Variants in CELF5 observed in about 807,000 individuals in gnomAD.
CELF5 encodes CUG-BP and ETR-3 like factor 5.
Under a neutral mutation model 54.9 loss-of-function variants are expected in CELF5, and 6 were observed. The ratio of observed to expected loss-of-function variants is 0.11; its 90% CI spans 0.06 to 0.22. The LOEUF is 0.22. Among genes scored for constraint, CELF5 ranks in the 10% least tolerant of loss-of-function variants. The probability of loss-of-function intolerance (pLI) is 1.00; values close to 1 mark genes in which losing one functional copy is unlikely to be tolerated. For missense variants in CELF5, 401 were observed against 678.6 expected (o/e 0.59, Z 4.54); for synonymous variants, 271 against 290.9 (o/e 0.93, Z 0.70).
intron 1 of CELF5, among the ~76,000 whole-genome samples, chr19:3,227,423 G>A (rs1403361629): frequency 6.6e-6 from 1 of 152,174 alleles, no homozygotes; most frequent in Non-Finnish European, 1.5e-5. Context: ...TGGGAGCCCT[G>A]GCGTGGTTTA....
At chr19:3,295,445 A>G (rs2080421392) in intron 12 of CELF5, 1 of 152,130 alleles carries the variant, frequency 6.6e-6, no homozygotes, top group Non-Finnish European at 1.5e-5. Context: ...ACTTCCTTCC[A>G]TCCGAGTAGA....
intron 2 of CELF5, among the ~76,000 whole-genome samples, chr19:3,253,564 G>C (rs1178248540): frequency 4.6e-5 from 7 of 152,156 alleles, no homozygotes; most frequent in Non-Finnish European, 7.4e-5. Context: ...TTAAGCCCTA[G>C]CCTCGGAATT....
chr19:3,275,797 A>ATCCCGGAGGCCC lies in CELF5; in HGVS notation c.395-47_395-36dup, dbSNP rs893867513. On this transcript the variant is annotated intron_variant, in intron 3 of 12. Transcript: ENST00000292672. This position sits in a 1 kb window ranked among gnomAD's most constrained non-coding sequence, Gnocchi z 6.7. ...TCCACTCTGCTGGAGGGAGGGAGGA[A>ATCCCGGAGGCCC]TCCCGGAGGCCCTCCCGGAGGCCGG... 1.1e-5 allele frequency: 17 copies of ATCCCGGAGGCCC among 1,548,092 alleles called. No individual in the cohort carries two copies. Among genetic ancestry groups the ATCCCGGAGGCCC allele is most frequent in the African/African-American group, 9.5e-5 (7 of 73,730 alleles).
chr19:3,284,039 G>T (rs964074222), intron 8 of CELF5, among the ~76,000 whole-genome samples: 1 of 151,474 alleles, frequency 6.6e-6, no homozygotes, highest in African/African-American at 2.4e-5. Context: ...AGAAATGAGG[G>T]TCTTGCTATG....
At chr19:3,249,276 A>G (rs531797658) in intron 1 of CELF5, among the ~76,000 whole-genome samples, 5 of 152,104 alleles carry the variant, frequency 3.3e-5, no homozygotes, top group Admixed American at 6.5e-5. Context: ...AGTCCCCTGT[A>G]TCCATCCCAG....
intron 2 of CELF5, among the ~76,000 whole-genome samples, chr19:3,272,355 G>A (rs181548086): frequency 2.3e-4 from 34 of 150,768 alleles, no homozygotes; most frequent in African/African-American, 6.8e-4. Flanking sequence ...GCAACAGAGT[G>A]AGAGTCCGTC....
chr19:3,260,583 A>C (rs1359737982), intron 2 of CELF5, among the ~76,000 whole-genome samples: 1 of 147,048 alleles, frequency 6.8e-6, no homozygotes, highest in East Asian at 2.0e-4. Flanking sequence ...GCTTCTGAAG[A>C]AGCTGGGACC....
At chr19:3,230,144 G>T (rs1396692906) in intron 1 of CELF5, among the ~76,000 whole-genome samples, 1 of 151,944 alleles carries the variant, frequency 6.6e-6, no homozygotes, top group Non-Finnish European at 1.5e-5. Flanking sequence ...ACCTTCTGTG[G>T]CCTTACCTCG....
chr19:3,278,428 T>C lies in CELF5; in HGVS notation c.603+318T>C, dbSNP rs2080092251. Among the ~76,000 whole-genome samples the C allele has an allele frequency of 6.6e-6, 1 of 151,524 alleles. No homozygotes were observed. Among genetic ancestry groups the C allele is most frequent in the Non-Finnish European group, 1.5e-5 (1 of 67,870 alleles). On this transcript the variant is annotated intron_variant, in intron 5 of 12. Transcript: ENST00000292672. The surrounding 1 kb of genome is among the most constrained non-coding windows in gnomAD (Gnocchi z 4.5). ...GTGCCCGAGACTGCATGCATGTGTG[T>C]GTGTGAGTGCGTGTTTGAGTGTGTC...
intron 1 of CELF5, among the ~76,000 whole-genome samples, chr19:3,234,491 G>A (rs979970907): frequency 5.3e-5 from 8 of 152,090 alleles, no homozygotes; most frequent in East Asian, 1.9e-4. Context: ...TTCTGGCTGC[G>A]AGTGGTGTCG....
At chr19:3,288,235 G>T (rs1484785559) in intron 10 of CELF5, among the ~76,000 whole-genome samples, 1 of 152,110 alleles carries the variant, frequency 6.6e-6, no homozygotes, top group Non-Finnish European at 1.5e-5. Flanking sequence ...TCAAGAACAA[G>T]CATTGGCTGG....
intron 5 of CELF5, among the ~76,000 whole-genome samples, chr19:3,280,408 T>TAA (rs1219093891): frequency 6.7e-6 from 1 of 150,306 alleles, no homozygotes; most frequent in African/African-American, 2.5e-5. Flanking sequence ...CCGTCTCTAC[T>TAA]AAAAATAAAA....
rs1485392571 is a variant in CELF5 at position 3,225,009 on chromosome 19, G to A, written c.259+11G>A. On this transcript the variant is annotated intron_variant, in intron 1 of 12. Transcript: ENST00000292672. ...CGGGGATGCACAAAGGTGGGCGCCC[G>A]GCCCCCTCCCCCCTCTCCCCCTCCC... 3 of 1,502,938 alleles carry A rather than the reference G, an allele frequency of 2.0e-6. No homozygotes were observed. Among genetic ancestry groups the A allele is most frequent in the African/African-American group, 1.4e-5 (1 of 69,378 alleles). 93.1% of individuals were successfully genotyped at this position (1,502,938 alleles called of 1,614,324 possible). A position where few individuals can be genotyped will look rare whatever the true frequency, so the allele number is the denominator to read the frequency against.
At chr19:3,290,661 T>TC (rs1411097830) in intron 11 of CELF5, among the ~76,000 whole-genome samples, 1 of 150,880 alleles carries the variant, frequency 6.6e-6, no homozygotes, top group Non-Finnish European at 1.5e-5. Context: ...CGTCCCGGGT[T>TC]CACGCCATTC....
At chr19:3,285,030 G>T in intron 9 of CELF5, 66 bp downstream of exon 9, 1 of 1,167,266 alleles carries the variant, frequency 8.6e-7, no homozygotes, top group Non-Finnish European at 1.2e-6. Flanking sequence ...CCCGCCCCCA[G>T]GGCCCGCCCC....
Position 3,282,520 on chromosome 19 carries a change from G to A in CELF5, c.1039+22G>A, listed in dbSNP as rs1303452647. The A allele has an allele frequency of 2.5e-6, 4 of 1,600,166 alleles. No homozygotes were observed. The highest frequency in any genetic ancestry group is 3.4e-6 in the Non-Finnish European group (4 of 1,173,260). ...CCAGGTAAATTGGGGTCGTCCTCTGGGGCCTAGGAGAGTGGTGGGGAATAA... is the reference window on the plus strand; with the variant it reads ...CCAGGTAAATTGGGGTCGTCCTCTGAGGCCTAGGAGAGTGGTGGGGAATAA... On this transcript the variant is annotated intron_variant, in intron 8 of 12. Transcript: ENST00000292672. The surrounding 1 kb of genome is among the most constrained non-coding windows in gnomAD (Gnocchi z 5.2).
At chr19:3,276,886 G>T (rs2080064872) in intron 4 of CELF5, among the ~76,000 whole-genome samples, 1 of 151,776 alleles carries the variant, frequency 6.6e-6, no homozygotes, top group African/African-American at 2.4e-5. Context: ...GTCTGGGGAG[G>T]GGCGGGGCTT....
chr19:3,245,819 A>G (rs888115166), intron 1 of CELF5, among the ~76,000 whole-genome samples: 1 of 152,190 alleles, frequency 6.6e-6, no homozygotes. Context: ...CCAAAGTGAC[A>G]AGGTGCCCAG....
chr19:3,232,680 G>A (rs768607312), intron 1 of CELF5, among the ~76,000 whole-genome samples: 15 of 150,914 alleles, frequency 9.9e-5, no homozygotes, highest in East Asian at 2.0e-4. Context: ...AGTGCATCAC[G>A]CCTGTAATCC....
Sources: gnomAD v4.1 joint callset for allele counts (sites outside exome capture counted in the v4.1 genomes callset) on GRCh38, gnomAD v4.1.1 for gene constraint, Gnocchi (gnomAD v3.1) non-coding constraint, MANE v1.5 for transcripts, NCBI Gene and HGNC (gene_info 2026-07-23, HGNC 2026-07-21) for gene names.